SEMA6D: variants seen among roughly 807,000 people sequenced by gnomAD.
SEMA6D encodes the protein semaphorin-6D.
A neutral mutation model predicts 106.6 loss-of-function variants in SEMA6D; 35 were observed. The observed-to-expected ratio is 0.33, with a 90% CI of 0.25 to 0.44. The LOEUF is 0.44. SEMA6D is among the 20% of genes least tolerant of loss of function. The pLI is 1.00. For synonymous variants in SEMA6D, 499 were observed against 487.7 expected (o/e 1.02, Z -0.31); for missense variants, 1,185 against 1,345.9 (o/e 0.88, Z 1.87).
intron 3 of SEMA6D, among the ~76,000 whole-genome samples, chr15:47,487,135 C>T (rs953551792): frequency 1.3e-5 from 2 of 152,080 alleles, no homozygotes; most frequent in Admixed American, 6.6e-5. Flanking sequence ...GACAATCAAA[C>T]AATATACAGA....
In SEMA6D at chr15:47,363,849, T is replaced by G. The variant is rs560575619; in HGVS notation, c.-238-48544T>G. ...CTTGGGAGGCCTCAGGAAACTTACT[T>G]ATAATCATGGCGGAAGGCGAAGGGG... On this transcript the variant is annotated intron_variant, in intron 1 of 19. Transcript: ENST00000558014. Among the ~76,000 whole-genome samples the G allele has an allele frequency of 4.4e-4, 67 of 152,294 alleles. 1 individual carries two copies. The highest frequency in any genetic ancestry group is 1.2e-3 in the South Asian group (6 of 4,822).
intron 2 of SEMA6D, among the ~76,000 whole-genome samples, chr15:47,437,775 T>C (rs2041766273): frequency 1.3e-5 from 2 of 152,124 alleles, no homozygotes; most frequent in South Asian, 2.1e-4. Flanking sequence ...AATTTTCTTT[T>C]CCTAGAGGTA....
intron 4 of SEMA6D, among the ~76,000 whole-genome samples, chr15:47,656,335 T>G (rs1464213307): frequency 6.6e-6 from 1 of 152,214 alleles, no homozygotes; most frequent in African/African-American, 2.4e-5. Flanking sequence ...GTTCAGTATT[T>G]GCTAATGCTG....
chr15:47,527,607 C>G (rs926837012), intron 3 of SEMA6D: 1 of 152,162 alleles, frequency 6.6e-6, no homozygotes, highest in East Asian at 1.9e-4. Flanking sequence ...GTATGCCAAT[C>G]TTATAAAACT....
chr15:47,217,946 C>T (rs1275191757), intron 1 of SEMA6D, among the ~76,000 whole-genome samples: 2 of 151,116 alleles, frequency 1.3e-5, no homozygotes, highest in East Asian at 2.0e-4. Context: ...CTGAAGGGCT[C>T]CTCTCCGCTA....
chr15:47,491,464 A>T (rs1015107607), intron 3 of SEMA6D, among the ~76,000 whole-genome samples: 16 of 152,244 alleles, frequency 1.1e-4, no homozygotes, highest in African/African-American at 3.6e-4. Flanking sequence ...TAAGCAATAC[A>T]TTTTTTATGC....
intron 4 of SEMA6D, among the ~76,000 whole-genome samples, chr15:47,662,712 G>A (rs1259412922): frequency 1.3e-5 from 2 of 152,028 alleles, no homozygotes; most frequent in African/African-American, 4.8e-5. Context: ...CATATATTTT[G>A]GATACCACTC....
intron 1 of SEMA6D, among the ~76,000 whole-genome samples, chr15:47,406,934 C>T (rs930241794): frequency 6.6e-6 from 1 of 151,728 alleles, no homozygotes; most frequent in African/African-American, 2.4e-5. Context: ...TCAGTCATAC[C>T]TCAAAAAACA....
intron 1 of SEMA6D, among the ~76,000 whole-genome samples, chr15:47,207,986 C>CGT (rs1895193595): frequency 1.5e-5 from 1 of 68,518 alleles, no homozygotes; most frequent in Non-Finnish European, 2.8e-5. Context: ...TAGCCACTGG[C>CGT]GCGCGCGCAC....
At chr15:47,434,214 G>A (rs986295452) in intron 2 of SEMA6D, among the ~76,000 whole-genome samples, 5 of 152,108 alleles carry the variant, frequency 3.3e-5, no homozygotes, top group South Asian at 4.1e-4. Context: ...GGGAGAAAGG[G>A]AAGAACAAGG....
intron 1 of SEMA6D, among the ~76,000 whole-genome samples, chr15:47,206,223 A>G (rs754652077): frequency 6.6e-5 from 10 of 152,210 alleles, no homozygotes; most frequent in Admixed American, 3.3e-4. Context: ...CTGAAAATCA[A>G]TATAAGGTAA....
At chr15:47,735,989 G>A (rs1285213805) in intron 1 of SEMA6D, among the ~76,000 whole-genome samples, 1 of 152,112 alleles carries the variant, frequency 6.6e-6, no homozygotes, top group East Asian at 1.9e-4. Context: ...GGAGAGAAAG[G>A]GAATGATTGT....
At chr15:47,749,478 C>T (rs2081316434) in intron 1 of SEMA6D, among the ~76,000 whole-genome samples, 1 of 152,010 alleles carries the variant, frequency 6.6e-6, no homozygotes. Context: ...ATATTATTAT[C>T]CTCACTGCAG....
chr15:47,586,921 G>A (rs1286643841), intron 3 of SEMA6D, among the ~76,000 whole-genome samples: 1 of 127,816 alleles, frequency 7.8e-6, no homozygotes, highest in Non-Finnish European at 1.6e-5. Flanking sequence ...AGACCTGTCT[G>A]TGTTTGTCTT....
intron 2 of SEMA6D, among the ~76,000 whole-genome samples, chr15:47,453,983 G>A (rs1474780821): frequency 6.6e-6 from 1 of 151,932 alleles, no homozygotes; most frequent in African/African-American, 2.4e-5. Context: ...GGCTGCCACT[G>A]CTTCATGAGA....
At chr15:47,247,868 G>A (rs2141873866) in intron 1 of SEMA6D, among the ~76,000 whole-genome samples, 1 of 152,294 alleles carries the variant, frequency 6.6e-6, no homozygotes, top group Admixed American at 6.5e-5. Context: ...TGTTTGCAAA[G>A]GGTAGTGAGC....
chr15:47,312,373 T>C (rs2036485968), intron 1 of SEMA6D, among the ~76,000 whole-genome samples: 1 of 152,214 alleles, frequency 6.6e-6, no homozygotes, highest in African/African-American at 2.4e-5. Context: ...CCTTATTCTC[T>C]ATAATTGAAT....
At chr15:47,473,915 A>G (rs1009580117) in intron 3 of SEMA6D, among the ~76,000 whole-genome samples, 2 of 151,902 alleles carry the variant, frequency 1.3e-5, no homozygotes, top group African/African-American at 4.8e-5. Context: ...TGGCTCTTAC[A>G]TGGGGCAAGA....
chr15:47,435,743 C>A (rs2041680742), intron 2 of SEMA6D, among the ~76,000 whole-genome samples: 1 of 151,998 alleles, frequency 6.6e-6, no homozygotes. Context: ...TCATTGATTT[C>A]TTTATATACT....
Sources: gnomAD v4.1 joint callset for allele counts (sites outside exome capture counted in the v4.1 genomes callset) on GRCh38, gnomAD v4.1.1 for gene constraint, MANE v1.5 for transcripts, NCBI Gene and HGNC (gene_info 2026-07-23, HGNC 2026-07-21) for gene names.